The following ENOPH1 variants were observed in gnomAD, a reference collection of about 807,000 sequenced individuals.
ENOPH1 encodes enolase-phosphatase 1.
ENOPH1 carries 14 observed loss-of-function variants against 31.1 expected under a neutral mutation model. That is an observed-to-expected ratio of 0.45 (90% CI 0.30 to 0.70). The LOEUF is 0.70. ENOPH1 is among the 30% of genes least tolerant of loss of function. The probability of loss-of-function intolerance (pLI) is 0.09; values close to 1 mark genes in which losing one functional copy is unlikely to be tolerated. For synonymous variants in ENOPH1, 127 were observed against 123.2 expected, an observed-to-expected ratio of 1.03 and a Z score of -0.21; for missense variants, 243 against 321.5, an observed-to-expected ratio of 0.76 and a Z score of 1.87.
At chr4:82,435,504 C>T (rs1462732372) in intron 1 of ENOPH1, among the ~76,000 whole-genome samples, 6 of 152,116 alleles carry the variant, frequency 3.9e-5, no homozygotes, top group Non-Finnish European at 8.8e-5. Context: ...TTTAACAGTC[C>T]TCTTTATGTC....
intron 1 of ENOPH1, among the ~76,000 whole-genome samples, chr4:82,433,377 T>G (rs1322723131): frequency 6.6e-6 from 1 of 152,182 alleles, no homozygotes; most frequent in Non-Finnish European, 1.5e-5. Context: ...CCTAAATAAA[T>G]TTTTCTGAAT....
At chr4:82,454,627 G>A (rs768220105) in intron 3 of ENOPH1, 95 bp from the exon 4 acceptor site, 28 of 1,375,564 alleles carry the variant, frequency 2.0e-5, no homozygotes, top group Non-Finnish European at 2.6e-5. Flanking sequence ...TACCATGTGG[G>A]CACAAAGAGA....
intron 1 of ENOPH1, among the ~76,000 whole-genome samples, chr4:82,436,885 GA>G (rs1346573483): frequency 3.3e-5 from 5 of 152,040 alleles, no homozygotes; most frequent in Admixed American, 3.3e-4. Flanking sequence ...CTCTCACACA[GA>G]ATATGTCATC....
chr4:82,448,222 G>A (rs1722245780), intron 2 of ENOPH1, among the ~76,000 whole-genome samples: 1 of 151,778 alleles, frequency 6.6e-6, no homozygotes, highest in Non-Finnish European at 1.5e-5. Flanking sequence ...TGTTTCTGGA[G>A]TTGCTCTTTG....
At chr4:82,452,389 A>C (rs899164011) in intron 3 of ENOPH1, among the ~76,000 whole-genome samples, 23 of 152,060 alleles carry the variant, frequency 1.5e-4, no homozygotes, top group Non-Finnish European at 2.8e-4. Flanking sequence ...GCTCACTGCA[A>C]CTTCTACCTC....
Position 82,460,237 on chromosome 4 carries a change from GTA to G in ENOPH1, c.*119_*120del. On this transcript the variant is annotated 3_prime_UTR_variant, in exon 6 of 6. Coordinates refer to ENST00000273920, the MANE Select transcript of ENOPH1 (RefSeq NM_021204.5). ...AACATATGTACACATATGTATGCAA[GTA>G]TGTATATATGTGTATGCTCAGATTA... 1 of 1,030,398 alleles carries G rather than the reference GTA, an allele frequency of 9.7e-7. No individual in the cohort carries two copies. The highest frequency in any genetic ancestry group is 1.5e-6 in the Non-Finnish European group (1 of 686,752). 63.8% of individuals were successfully genotyped at this position (1,030,398 alleles called of 1,614,324 possible). A position where few individuals can be genotyped will look rare whatever the true frequency, so the allele number is the denominator to read the frequency against.
chr4:82,455,575 T>C (rs1263973745), intron 4 of ENOPH1, among the ~76,000 whole-genome samples: 2 of 151,438 alleles, frequency 1.3e-5, no homozygotes. Context: ...GGTCAGGAGA[T>C]CGAGACCATC....
intron 1 of ENOPH1, among the ~76,000 whole-genome samples, chr4:82,446,432 AAG>A (rs1491135889): frequency 1.3e-5 from 2 of 151,902 alleles, no homozygotes; most frequent in Non-Finnish European, 2.9e-5. Context: ...AAAAAAAAAA[AAG>A]AACATATTAA....
At chr4:82,440,143 T>C (rs1209947571) in intron 1 of ENOPH1, among the ~76,000 whole-genome samples, 1 of 152,184 alleles carries the variant, frequency 6.6e-6, no homozygotes, top group Non-Finnish European at 1.5e-5. Flanking sequence ...AAAAGAGAAG[T>C]GTTTGTCATA....
chr4:82,441,672 T>G (rs756392488), intron 1 of ENOPH1, among the ~76,000 whole-genome samples: 74 of 151,958 alleles, frequency 4.9e-4, no homozygotes, highest in Non-Finnish European at 1.5e-4. Flanking sequence ...TCAGATCTTG[T>G]GACAGTTATT....
In ENOPH1 at chr4:82,430,761, C is replaced by T; in HGVS notation, c.-69C>T. On this transcript the variant is annotated 5_prime_UTR_variant, in exon 1 of 6. Coordinates refer to ENST00000273920, the MANE Select transcript of ENOPH1 (RefSeq NM_021204.5). ...AAGCCCAAGACGGTACCGGGGGCCG[C>T]AGCCGCAGCCGGCGCCGCCCTCCGC... 1 of 1,493,130 alleles carries T rather than the reference C, an allele frequency of 6.7e-7. No individual in the cohort carries two copies. Among genetic ancestry groups the T allele is most frequent in the Non-Finnish European group, 9.3e-7 (1 of 1,073,874 alleles). 92.5% of individuals were successfully genotyped at this position (1,493,130 alleles called of 1,614,324 possible).
In ENOPH1 at chr4:82,460,035, G is replaced by A; in HGVS notation, c.701G>A (p.Gly234Asp). 1 of 1,614,122 alleles carries A rather than the reference G, an allele frequency of 6.2e-7. No individual in the cohort carries two copies. Among genetic ancestry groups the A allele is most frequent in the Non-Finnish European group, 8.5e-7 (1 of 1,180,018 alleles). ...DVHVAVVVRP[G>D]NAGLTDDEKT... ...CACGTAGCTGTGGTGGTGAGACCAGGCAACGCAGGATTAACAGATGATGAG... is the reference window on the plus strand; with the variant it reads ...CACGTAGCTGTGGTGGTGAGACCAGACAACGCAGGATTAACAGATGATGAG... Residue 234 changes from glycine to aspartate, a missense_variant, in exon 6 of 6, where the codon GGC (glycine) becomes GAC (aspartate). Transcript: ENST00000273920.
Position 82,451,148 on chromosome 4 carries a change from T to C in ENOPH1, c.292T>C (p.Cys98Arg). ...QMIQAVVDNV[C>R]WQMSLDRKTT... ...GATCCAGGCCGTGGTAGATAATGTG[T>C]GCTGGCAGATGTCCCTGGATCGAAA... The change falls in exon 3 of 6, where the codon TGC (cysteine) becomes CGC (arginine). Residue 98 changes from cysteine (C) to arginine (R), a missense_variant. Transcript: ENST00000273920. 6.2e-7 allele frequency: 1 copy of C among 1,614,210 alleles called. No individual in the cohort carries two copies. Among genetic ancestry groups the C allele is most frequent in the East Asian group, 2.2e-5 (1 of 44,888 alleles).
At chr4:82,446,679 G>GACGGAAT (rs1722194941) in intron 1 of ENOPH1, among the ~76,000 whole-genome samples, 1 of 53,028 alleles carries the variant, frequency 1.9e-5, no homozygotes, top group Non-Finnish European at 3.4e-5. Flanking sequence ...TTTTTTTTGT[G>GACGGAAT]TGACGGAATC....
chr4:82,448,513 C>T (rs1024931205), intron 2 of ENOPH1, among the ~76,000 whole-genome samples: 4 of 151,836 alleles, frequency 2.6e-5, no homozygotes, highest in African/African-American at 4.8e-5. Context: ...CTACCCTCCT[C>T]GGCCTCCCAA....
chr4:82,438,623 A>G (rs188948307), intron 1 of ENOPH1, among the ~76,000 whole-genome samples: 6 of 152,358 alleles, frequency 3.9e-5, no homozygotes, highest in African/African-American at 9.6e-5. Flanking sequence ...ACTGCACTGC[A>G]TGCAGCCTGG....
intron 1 of ENOPH1, among the ~76,000 whole-genome samples, chr4:82,446,689 C>CTTTTTTTTT (rs1175624219): frequency 3.0e-5 from 2 of 67,510 alleles, no homozygotes; most frequent in Admixed American, 1.9e-4. Flanking sequence ...GTGACGGAAT[C>CTTTTTTTTT]TTTTTTTTTT....
intron 1 of ENOPH1, among the ~76,000 whole-genome samples, 153 bp downstream of exon 1, chr4:82,431,066 G>A (rs1249154495): frequency 1.3e-5 from 2 of 152,238 alleles, no homozygotes; most frequent in African/African-American, 4.8e-5. Flanking sequence ...GAAAGCCTGC[G>A]GTGGGTTGCG....
At chr4:82,434,840 G>A (rs749127076) in intron 1 of ENOPH1, among the ~76,000 whole-genome samples, 3 of 152,170 alleles carry the variant, frequency 2.0e-5, no homozygotes, top group African/African-American at 4.8e-5. Context: ...CTGGGAGGCG[G>A]AGGTTGCAGT....
Sources: gnomAD v4.1 joint callset for allele counts (sites outside exome capture counted in the v4.1 genomes callset) on GRCh38, gnomAD v4.1.1 for gene constraint, MANE v1.5 for transcripts, NCBI Gene and HGNC (gene_info 2026-07-23, HGNC 2026-07-21) for gene names.